The following KCNJ3 variants were observed in gnomAD, a reference collection of about 807,000 sequenced individuals.
The protein encoded by KCNJ3 is G protein-activated inward rectifier potassium channel 1.
A neutral mutation model predicts 39.2 loss-of-function variants in KCNJ3; 4 were observed. The observed-to-expected ratio is 0.10, with a 90% CI of 0.05 to 0.23. The LOEUF is 0.23. Ranked by LOEUF, KCNJ3 falls within the 10% of genes least tolerant of loss-of-function variation. The pLI is 1.00. For missense variants in KCNJ3, 276 were observed against 634.9 expected (o/e 0.43, Z 6.08); for synonymous variants, 230 against 237.4 (o/e 0.97, Z 0.29).
intron 2 of KCNJ3, among the ~76,000 whole-genome samples, chr2:154,824,591 G>A (rs1224406756): frequency 1.3e-5 from 2 of 152,076 alleles, no homozygotes; most frequent in Admixed American, 1.3e-4. Context: ...AATAAAACTA[G>A]TGAGTAATCT....
At chr2:154,709,943 G>T (rs1685074137) in intron 2 of KCNJ3, 124 bp downstream of exon 2, 3 of 1,152,454 alleles carry the variant, frequency 2.6e-6, no homozygotes, top group Middle Eastern at 2.0e-4. Context: ...GTAATGATTT[G>T]CCTTTCATTT....
chr2:154,735,655 C>T (rs3111003), intron 2 of KCNJ3, among the ~76,000 whole-genome samples: 83,092 of 152,030 alleles, frequency 0.55, 23,486 homozygotes, highest in African/African-American at 0.69. Context: ...GTCCAGATGT[C>T]CAATTTAAAA....
chr2:154,771,593 G>A (rs1349676293), intron 2 of KCNJ3, among the ~76,000 whole-genome samples: 1 of 152,084 alleles, frequency 6.6e-6, no homozygotes, highest in Non-Finnish European at 1.5e-5. Context: ...GACTAGAGAG[G>A]TTGTGTATTC....
Position 154,758,356 on chromosome 2 carries a change from G to C in KCNJ3, c.919+48537G>C, listed in dbSNP as rs79622638. ...ACAGTTGTTCCTTGGTATCTGTAAG[G>C]GATTGCTATGAGGACCTCCCTCAGG... On this transcript the variant is annotated intron_variant, in intron 2 of 2. Transcript: ENST00000295101. Among the ~76,000 whole-genome samples the C allele has an allele frequency of 6.6e-5, 10 of 152,212 alleles. No homozygotes were observed. The East Asian group carries it at 1.9e-3, about 29-fold the overall frequency.
chr2:154,805,966 C>A (rs984385558), intron 2 of KCNJ3, among the ~76,000 whole-genome samples: 1 of 152,100 alleles, frequency 6.6e-6, no homozygotes, highest in East Asian at 1.9e-4. Context: ...ATATGTTCTG[C>A]ATTCATATAC....
rs778778392 is a variant in KCNJ3, at chr2:154,699,528, CG to C, written c.702+52del. 6.6e-7 allele frequency: 1 copy of C among 1,504,644 alleles called. No homozygotes were observed. The highest frequency in any genetic ancestry group is 1.3e-5 in the South Asian group (1 of 78,692). The allele number at this position is 1,504,644 out of a possible 1,614,324, so 93.2% of individuals were successfully genotyped here. On this transcript the variant is annotated intron_variant, in intron 1 of 2. Coordinates refer to ENST00000295101, the MANE Select transcript of KCNJ3 (RefSeq NM_002239.4). This position sits in a 1 kb window ranked among gnomAD's most constrained non-coding sequence, Gnocchi z 6.4. ...CCGGGAGACCTGCGTCCCCCAAACC[CG>C]CGGAGTAACTCGTCTGAGAACCAGC... is the stretch of plus-strand genomic sequence containing the variant.
At chr2:154,805,886 A>AAAATGC (rs1686902278) in intron 2 of KCNJ3, among the ~76,000 whole-genome samples, 1 of 152,192 alleles carries the variant, frequency 6.6e-6, no homozygotes, top group Admixed American at 6.6e-5. Context: ...TTTTATAAAC[A>AAAATGC]AAATGCAAAA....
chr2:154,707,184 T>C (rs80222980), intron 1 of KCNJ3, among the ~76,000 whole-genome samples: 7,136 of 152,046 alleles, frequency 0.047, 218 homozygotes, highest in Non-Finnish European at 0.053. Context: ...ATTGAAAGCA[T>C]GTTTCCCAAA....
At chr2:154,745,577 T>C (rs1017033145) in intron 2 of KCNJ3, among the ~76,000 whole-genome samples, 1 of 152,106 alleles carries the variant, frequency 6.6e-6, no homozygotes, top group African/African-American at 2.4e-5. Flanking sequence ...GCCACTATTT[T>C]GCCATTGTTT....
At chr2:154,744,886 C>T (rs925207166) in intron 2 of KCNJ3, among the ~76,000 whole-genome samples, 1 of 151,874 alleles carries the variant, frequency 6.6e-6, no homozygotes, top group Non-Finnish European at 1.5e-5. Context: ...TCCATCTCAG[C>T]ACTGCTTTAA....
At chr2:154,814,004 A>G (rs189077326) in intron 2 of KCNJ3, among the ~76,000 whole-genome samples, 1 of 152,364 alleles carries the variant, frequency 6.6e-6, no homozygotes, top group East Asian at 1.9e-4. Flanking sequence ...TGTGGTCCAC[A>G]TATTTGCCAC....
intron 2 of KCNJ3, among the ~76,000 whole-genome samples, chr2:154,774,544 GA>G (rs1304401599): frequency 9.9e-5 from 15 of 151,712 alleles, no homozygotes; most frequent in Admixed American, 3.3e-4. Context: ...TAATATTTAT[GA>G]AAAAAACTAT....
Position 154,699,768 on chromosome 2 carries a change from G to C in KCNJ3, c.702+291G>C, listed in dbSNP as rs764727211. On this transcript the variant is annotated intron_variant, in intron 1 of 2. Transcript: ENST00000295101. This position sits in a 1 kb window ranked among gnomAD's most constrained non-coding sequence, Gnocchi z 6.4. ...CTGCTGTTGGCTCCTGGAGCCATGA[G>C]GGCAATTAGTGCCCTGTTCGCCTTC... is the stretch of plus-strand genomic sequence containing the variant. Among the ~76,000 whole-genome samples the C allele has an allele frequency of 2.6e-5, 4 of 152,070 alleles. No homozygotes were observed. Among genetic ancestry groups the C allele is most frequent in the Non-Finnish European group, 5.9e-5 (4 of 68,022 alleles).
At chr2:154,825,831 G>C (rs1385138261) in intron 2 of KCNJ3, among the ~76,000 whole-genome samples, 2 of 149,830 alleles carry the variant, frequency 1.3e-5, no homozygotes, top group East Asian at 3.9e-4. Flanking sequence ...CTCCCACCTC[G>C]GCTTCCCAAA....
chr2:154,719,164 G>A (rs1685227903), intron 2 of KCNJ3, among the ~76,000 whole-genome samples: 1 of 152,018 alleles, frequency 6.6e-6, no homozygotes, highest in Admixed American at 6.6e-5. Flanking sequence ...TGACGTTTGT[G>A]GTCCAGGAAA....
At chr2:154,786,627 C>A (rs1435556484) in intron 2 of KCNJ3, among the ~76,000 whole-genome samples, 1 of 152,030 alleles carries the variant, frequency 6.6e-6, no homozygotes, top group Non-Finnish European at 1.5e-5. Context: ...TATATGTATT[C>A]AAGACTCCTC....
chr2:154,728,140 T>C lies in KCNJ3; in HGVS notation c.919+18321T>C. Among the ~76,000 whole-genome samples, 2 of 152,206 alleles carry C rather than the reference T, an allele frequency of 1.3e-5. 1 individual carries two copies. Among genetic ancestry groups the C allele is most frequent in the South Asian group, 4.1e-4 (2 of 4,828 alleles). On this transcript the variant is annotated intron_variant, in intron 2 of 2. Coordinates refer to ENST00000295101, the MANE Select transcript of KCNJ3 (RefSeq NM_002239.4). Reference sequence around the variant, plus strand: ...CTCTTCTTTTGATTATATCAAAATTTCATTAGTACTCTATATCATATTGCA... The same window carrying C: ...CTCTTCTTTTGATTATATCAAAATTCCATTAGTACTCTATATCATATTGCA...
rs10632638 is a variant in KCNJ3, at chr2:154,735,069, C to CTGTGTGTGTGTGTGTGTGTGTGTGTGTG, written c.919+25256_919+25283dup. On this transcript the variant is annotated intron_variant, in intron 2 of 2. Coordinates refer to ENST00000295101, the MANE Select transcript of KCNJ3 (RefSeq NM_002239.4). ...TAGACTTTCCACTCCCCTTGTAGGC[C>CTGTGTGTGTGTGTGTGTGTGTGTGTGTG]TGTGTGTGTGTGTGTGTGTGTGTGT... 1.3e-3 allele frequency among the ~76,000 whole-genome samples: 193 copies of CTGTGTGTGTGTGTGTGTGTGTGTGTGTG among 145,874 alleles called. 1 individual carries two copies. The highest frequency in any genetic ancestry group is 3.0e-3 in the African/African-American group (119 of 39,026).
chr2:154,746,054 T>G (rs1361786090), intron 2 of KCNJ3, among the ~76,000 whole-genome samples: 4 of 151,872 alleles, frequency 2.6e-5, no homozygotes, highest in Admixed American at 2.6e-4. Context: ...CTCTCCTTTC[T>G]CAGCTTATTC....
Sources: gnomAD v4.1 joint callset for allele counts (sites outside exome capture counted in the v4.1 genomes callset) on GRCh38, gnomAD v4.1.1 for gene constraint, Gnocchi (gnomAD v3.1) non-coding constraint, MANE v1.5 for transcripts, NCBI Gene and HGNC (gene_info 2026-07-23, HGNC 2026-07-21) for gene names.